The following RBMS3 variants were observed in gnomAD, a reference collection of about 807,000 sequenced individuals.
The protein encoded by RBMS3 is RNA-binding motif, single-stranded-interacting protein 3.
In RBMS3, 27 loss-of-function variants were observed where a neutral mutation model predicts 66.8. That is an observed-to-expected ratio of 0.40 (90% CI 0.30 to 0.56). The LOEUF (loss-of-function observed/expected upper bound fraction) is 0.56, where lower values mean the gene tolerates loss of function less well. Among genes scored for constraint, RBMS3 ranks in the 20% least tolerant of loss-of-function variants. The pLI, the probability that RBMS3 is intolerant of heterozygous loss-of-function variation, is 0.40. For synonymous variants in RBMS3, 188 were observed against 183.0 expected, an observed-to-expected ratio of 1.03 and a Z score of -0.22; for missense variants, 513 against 549.5, an observed-to-expected ratio of 0.93 and a Z score of 0.66.
At position 29,794,271 on chromosome 3, in the gene RBMS3, C is replaced by T. The variant is rs888578686; in HGVS notation, c.637+31282C>T. Among the ~76,000 whole-genome samples the T allele has an allele frequency of 7.9e-5, 12 of 152,296 alleles. No individual in the cohort carries two copies. The South Asian group carries it at 2.5e-3, about 32-fold the overall frequency. On this transcript the variant is annotated intron_variant, in intron 6 of 14. Coordinates refer to ENST00000383767, the MANE Select transcript of RBMS3 (RefSeq NM_001003793.3). ...AATTCCTCTCAATTGTTCCTTAGCTCTCTCCCCAGGGAAGCATCTTAAAAC... is the reference window on the plus strand; with the variant it reads ...AATTCCTCTCAATTGTTCCTTAGCTTTCTCCCCAGGGAAGCATCTTAAAAC...
chr3:29,798,563 ACT>A (rs1220730011), intron 6 of RBMS3, among the ~76,000 whole-genome samples: 8 of 152,102 alleles, frequency 5.3e-5, no homozygotes, highest in Admixed American at 3.9e-4. Context: ...ACAGCAACTA[ACT>A]CTATAGCATA....
intron 3 of RBMS3, among the ~76,000 whole-genome samples, chr3:29,495,417 CTTTT>C (rs775377508): frequency 8.9e-6 from 1 of 111,884 alleles, no homozygotes. Context: ...ATATTTCTTT[CTTTT>C]TTTTTTTTTT....
chr3:29,849,373 G>A (rs1247900059), intron 6 of RBMS3, among the ~76,000 whole-genome samples: 3 of 151,992 alleles, frequency 2.0e-5, no homozygotes, highest in Middle Eastern at 3.4e-3. Flanking sequence ...AATTAACCGG[G>A]CACAGTGGCA....
chr3:29,767,532 A>T (rs2055988362), intron 6 of RBMS3: 1 of 152,030 alleles, frequency 6.6e-6, no homozygotes, highest in Non-Finnish European at 1.5e-5. Context: ...GTAGTTATGT[A>T]TCAGAGGAAT....
chr3:29,371,713 A>C (rs2038213084), intron 1 of RBMS3, among the ~76,000 whole-genome samples: 1 of 152,158 alleles, frequency 6.6e-6, no homozygotes. Context: ...GGTTCCAAGG[A>C]AGCCTTTACA....
Position 29,890,420 on chromosome 3 carries a change from C to T in RBMS3, c.791+6212C>T, listed in dbSNP as rs140089763. On this transcript the variant is annotated intron_variant, in intron 8 of 14. Transcript: ENST00000383767. ...TCAAATATAACTCAGAGATAAGTAA[C>T]CTAACAGAAAGATAAATATTACTGT... Among the ~76,000 whole-genome samples, 969 of 151,600 alleles carry T rather than the reference C, an allele frequency of 6.4e-3. 12 individuals are homozygous for T. Among genetic ancestry groups the T allele is most frequent in the African/African-American group, 0.022 (914 of 41,424 alleles).
chr3:29,917,919 C>T (rs1301863139), intron 10 of RBMS3, among the ~76,000 whole-genome samples: 1 of 152,072 alleles, frequency 6.6e-6, no homozygotes, highest in Non-Finnish European at 1.5e-5. Context: ...CCTCCTTATT[C>T]AGATTACAGA....
intron 2 of RBMS3, among the ~76,000 whole-genome samples, chr3:29,448,161 C>T (rs774880159): frequency 1.5e-4 from 23 of 152,184 alleles, no homozygotes; most frequent in Non-Finnish European, 2.4e-4. Flanking sequence ...CAACCACCTG[C>T]GTGTTTTATT....
chr3:29,994,859 A>T (rs543704739), intron 14 of RBMS3, among the ~76,000 whole-genome samples: 49 of 152,360 alleles, frequency 3.2e-4, no homozygotes, highest in African/African-American at 1.2e-3. Context: ...TCTAAAACGC[A>T]GAGTGCCTCT....
At chr3:29,941,664 A>G (rs529907534) in intron 11 of RBMS3, among the ~76,000 whole-genome samples, 18 of 151,886 alleles carry the variant, frequency 1.2e-4, no homozygotes, top group East Asian at 1.9e-4. Context: ...GTTTAAAAAA[A>G]TGAATTCTGA....
chr3:29,356,644 C>T (rs1276629826), intron 1 of RBMS3, among the ~76,000 whole-genome samples: 3 of 152,106 alleles, frequency 2.0e-5, no homozygotes. Flanking sequence ...TTCTCAAGGA[C>T]TGTGTTGCTT....
At chr3:29,292,862 G>A (rs139337474) in intron 1 of RBMS3, among the ~76,000 whole-genome samples, 26 of 151,934 alleles carry the variant, frequency 1.7e-4, no homozygotes, top group African/African-American at 6.3e-4. Flanking sequence ...ATAGATAAGA[G>A]CTGTTTAGCA....
intron 4 of RBMS3, among the ~76,000 whole-genome samples, chr3:29,678,124 C>G (rs1461355701): frequency 6.6e-6 from 1 of 152,124 alleles, no homozygotes; most frequent in African/African-American, 2.4e-5. Flanking sequence ...ATGCTCAGCT[C>G]TGGTTAGGCC....
chr3:29,798,833 C>T (rs2057298164), intron 6 of RBMS3, among the ~76,000 whole-genome samples: 1 of 151,634 alleles, frequency 6.6e-6, no homozygotes, highest in African/African-American at 2.4e-5. Context: ...TTTGATGACT[C>T]TCTGGATTTA....
intron 14 of RBMS3, among the ~76,000 whole-genome samples, chr3:30,001,210 A>C (rs2125402382): frequency 6.6e-6 from 1 of 152,166 alleles, no homozygotes; most frequent in East Asian, 1.9e-4. Flanking sequence ...AATCCAGTAG[A>C]GGGAATATAC....
At chr3:29,615,288 T>C (rs934775551) in intron 4 of RBMS3, 9 of 152,224 alleles carry the variant, frequency 5.9e-5, no homozygotes, top group African/African-American at 2.2e-4. Context: ...AGATGAGAGC[T>C]GCTCATGTCT....
At chr3:29,979,420 C>A (rs148452719) in intron 12 of RBMS3, among the ~76,000 whole-genome samples, 2 of 152,074 alleles carry the variant, frequency 1.3e-5, no homozygotes, top group Non-Finnish European at 2.9e-5. Flanking sequence ...AAATAAGTGT[C>A]ATTTGAAGAA....
chr3:29,563,253 A>G (rs529764540), intron 3 of RBMS3, among the ~76,000 whole-genome samples: 1 of 152,376 alleles, frequency 6.6e-6, no homozygotes, highest in South Asian at 2.1e-4. Context: ...TCTGAGCCAG[A>G]ACTATTTCCA....
chr3:29,694,866 A>ATTTT (rs1559577424), intron 4 of RBMS3, among the ~76,000 whole-genome samples: 39 of 151,896 alleles, frequency 2.6e-4, no homozygotes, highest in African/African-American at 9.2e-4. Flanking sequence ...TTTTTTAAAA[A>ATTTT]AAAAATACAA....
Sources: allele counts gnomAD v4.1 joint callset (sites outside exome capture counted in the v4.1 genomes callset), GRCh38; gene constraint gnomAD v4.1.1; transcripts MANE v1.5; gene names NCBI Gene and HGNC (gene_info 2026-07-23, HGNC 2026-07-21).